Variants in IL20RB observed in about 807,000 individuals in gnomAD.
IL20RB encodes the protein interleukin 20 receptor subunit beta, also known as interleukin-20 receptor subunit beta.
A neutral mutation model predicts 33.3 loss-of-function variants in IL20RB; 21 were observed. The ratio of observed to expected loss-of-function variants is 0.63; its 90% CI spans 0.45 to 0.91. The LOEUF (loss-of-function observed/expected upper bound fraction) is 0.91, where lower values mean the gene tolerates loss of function less well. IL20RB is among the 40% of genes least tolerant of loss of function. The pLI, the probability that IL20RB is intolerant of heterozygous loss-of-function variation, is 0.00. For missense variants in IL20RB, 345 were observed against 384.8 expected, an observed-to-expected ratio of 0.90 and a Z score of 0.86; for synonymous variants, 147 against 146.8, an observed-to-expected ratio of 1.00 and a Z score of -0.01.
At chr3:136,967,145 G>T (rs1392947074) in intron 1 of IL20RB, among the ~76,000 whole-genome samples, 1 of 144,954 alleles carries the variant, frequency 6.9e-6, no homozygotes, top group Non-Finnish European at 1.5e-5. Context: ...AATAGGTGTG[G>T]TGTGGTGCTG....
chr3:136,987,814 C>T (rs1006281836), intron 3 of IL20RB, among the ~76,000 whole-genome samples: 5 of 152,206 alleles, frequency 3.3e-5, no homozygotes, highest in Non-Finnish European at 5.9e-5. Flanking sequence ...GTACACCCTC[C>T]GCAGCCGCTG....
intron 1 of IL20RB, among the ~76,000 whole-genome samples, chr3:136,977,143 G>T (rs1219144911): frequency 6.6e-6 from 1 of 151,302 alleles, no homozygotes; most frequent in Non-Finnish European, 1.5e-5. Context: ...GTATATACAT[G>T]ATTTCGGTTC....
intron 6 of IL20RB, among the ~76,000 whole-genome samples, chr3:137,002,115 T>C (rs543442092): frequency 1.3e-5 from 2 of 152,350 alleles, no homozygotes; most frequent in South Asian, 4.1e-4. Flanking sequence ...TGTCCTTTTT[T>C]ATGGCTGCAT....
At chr3:136,985,712 G>A (rs899432854) in intron 3 of IL20RB, among the ~76,000 whole-genome samples, 3 of 152,232 alleles carry the variant, frequency 2.0e-5, no homozygotes, top group African/African-American at 7.2e-5. Flanking sequence ...AGTCACAGGG[G>A]AGCTTTAGAA....
intron 5 of IL20RB, 141 bp from the exon 6 acceptor site, chr3:136,995,273 C>T (rs943249341): frequency 2.1e-6 from 2 of 946,290 alleles, no homozygotes; most frequent in Non-Finnish European, 1.6e-6. Flanking sequence ...GTCACTAGGG[C>T]ACACATCAAA....
intron 1 of IL20RB, among the ~76,000 whole-genome samples, chr3:136,976,543 G>C (rs1444363409): frequency 6.6e-6 from 1 of 152,202 alleles, no homozygotes; most frequent in Non-Finnish European, 1.5e-5. Context: ...TTGTGACTAA[G>C]TCCCAGTGGC....
intron 1 of IL20RB, among the ~76,000 whole-genome samples, chr3:136,974,942 T>C (rs949662078): frequency 4.6e-5 from 7 of 152,346 alleles, no homozygotes; most frequent in African/African-American, 1.4e-4. Context: ...GTGTTCAGTT[T>C]CAGAATTTCT....
At chr3:136,986,596 GA>G in intron 3 of IL20RB, 1 of 443,520 alleles carries the variant, frequency 2.3e-6, no homozygotes, top group Non-Finnish European at 4.6e-6. Flanking sequence ...AAGTCCTCCT[GA>G]CCCCTGTCCA....
At chr3:136,977,297 C>T (rs1317991721) in intron 1 of IL20RB, among the ~76,000 whole-genome samples, 1 of 152,140 alleles carries the variant, frequency 6.6e-6, no homozygotes, top group Non-Finnish European at 1.5e-5. Flanking sequence ...GCTTGCTGAA[C>T]TATTGATAGG....
chr3:136,973,325 CAA>C (rs201415749), intron 1 of IL20RB, among the ~76,000 whole-genome samples: 19 of 88,370 alleles, frequency 2.2e-4, no homozygotes, highest in East Asian at 2.9e-4. Flanking sequence ...ACTAAAAATA[CAA>C]AAAAAAAAAA....
chr3:136,974,845 C>T (rs1941576819), intron 1 of IL20RB, among the ~76,000 whole-genome samples: 1 of 152,132 alleles, frequency 6.6e-6, no homozygotes, highest in Non-Finnish European at 1.5e-5. Context: ...TTTCAAAAGA[C>T]CTGTCTTCAA....
intron 3 of IL20RB, 87 bp from the exon 4 acceptor site, chr3:136,989,354 A>T (rs753589854): frequency 1.1e-5 from 17 of 1,511,350 alleles, no homozygotes; most frequent in Non-Finnish European, 1.6e-5. Flanking sequence ...AGACGGACAT[A>T]TTTCCATACA....
intron 3 of IL20RB, among the ~76,000 whole-genome samples, chr3:136,987,825 G>T (rs1941944753): frequency 6.6e-6 from 1 of 152,212 alleles, no homozygotes; most frequent in Admixed American, 6.5e-5. Context: ...GCAGCCGCTG[G>T]CCCGGGTGCT....
At chr3:136,979,299 G>A (rs1043453433) in intron 1 of IL20RB, among the ~76,000 whole-genome samples, 1 of 152,192 alleles carries the variant, frequency 6.6e-6, no homozygotes. Flanking sequence ...GGGAAACCAG[G>A]TGGGGTGTCC....
chr3:136,982,467 T>C (rs752236284), intron 3 of IL20RB, 117 bp downstream of exon 3: 25 of 707,798 alleles, frequency 3.5e-5, no homozygotes, highest in Non-Finnish European at 5.6e-5. Flanking sequence ...AGCCAGAGTA[T>C]TGTGAACACA....
At chr3:136,990,326 T>G (rs1379136480) in intron 4 of IL20RB, among the ~76,000 whole-genome samples, 1 of 152,050 alleles carries the variant, frequency 6.6e-6, no homozygotes, top group African/African-American at 2.4e-5. Flanking sequence ...AATAAGGAGC[T>G]CTCACAGATC....
chr3:136,995,473 G>T lies in IL20RB; in HGVS notation c.742G>T (p.Val248Leu). The T allele has an allele frequency of 6.2e-7, 1 of 1,614,102 alleles. No individual in the cohort carries two copies. The highest frequency in any genetic ancestry group is 8.5e-7 in the Non-Finnish European group (1 of 1,180,014). Reference sequence around the variant, plus strand: ...CTTTGTTGGCTTCATGCTGATCCTTGTGGTCGTGCCACTGTTCGTCTGGAA... The same window carrying T: ...CTTTGTTGGCTTCATGCTGATCCTTTTGGTCGTGCCACTGTTCGTCTGGAA... ...FAFVGFMLIL[V>L]VVPLFVWKMG... Residue 248 changes from valine (V) to leucine (L), a missense_variant, in exon 6 of 7, where the codon GTG (valine) becomes TTG (leucine). Val to Leu is a conservative substitution (Grantham distance 32). Transcript: ENST00000329582.
chr3:136,979,229 C>G (rs1941708049), intron 1 of IL20RB, among the ~76,000 whole-genome samples: 1 of 152,050 alleles, frequency 6.6e-6, no homozygotes, highest in East Asian at 1.9e-4. Context: ...CAGAACAGAC[C>G]ATGGATGCTG....
chr3:136,988,986 G>A (rs564564372), intron 3 of IL20RB, among the ~76,000 whole-genome samples: 2 of 152,204 alleles, frequency 1.3e-5, no homozygotes, highest in Admixed American at 1.3e-4. Flanking sequence ...GCTCACATAG[G>A]CATTTGGCAA....
Sources: gnomAD v4.1 joint callset for allele counts (sites outside exome capture counted in the v4.1 genomes callset) on GRCh38, gnomAD v4.1.1 for gene constraint, MANE v1.5 for transcripts, NCBI Gene and HGNC (gene_info 2026-07-23, HGNC 2026-07-21) for gene names.